NTM: variants seen among roughly 807,000 people sequenced by gnomAD.
NTM encodes neurotrimin.
Under a neutral mutation model 42.1 loss-of-function variants are expected in NTM, and 13 were observed. The ratio of observed to expected loss-of-function variants is 0.31; its 90% CI spans 0.20 to 0.49. The LOEUF is 0.49. Ranked by LOEUF, NTM falls within the 20% of genes least tolerant of loss-of-function variation. NTM has a pLI of 0.99. For missense variants in NTM, 373 were observed against 452.8 expected (o/e 0.82, Z 1.60); for synonymous variants, 187 against 179.2 (o/e 1.04, Z -0.35).
At chr11:132,277,168 AG>A (rs1445116299) in intron 4 of NTM, among the ~76,000 whole-genome samples, 2 of 152,176 alleles carry the variant, frequency 1.3e-5, no homozygotes, top group East Asian at 3.9e-4. Flanking sequence ...TTATTGCCCT[AG>A]TAAGACTTCT....
At position 132,069,407 on chromosome 11, in the gene NTM, A is replaced by G. The variant is rs534335905; in HGVS notation, c.168-76875A>G. ...CGTCACTCAGCCAAGTTAACACGTCAAACTGACTGTCACCGGTTAGTTAAC... is the reference window on the plus strand; with the variant it reads ...CGTCACTCAGCCAAGTTAACACGTCGAACTGACTGTCACCGGTTAGTTAAC... On this transcript the variant is annotated intron_variant, in intron 2 of 8. Coordinates refer to ENST00000683400, the MANE Select transcript of NTM (RefSeq NM_001352005.2). 1.4e-4 allele frequency among the ~76,000 whole-genome samples: 14 copies of G among 100,308 alleles called. No individual in the cohort carries two copies. In the South Asian group the frequency reaches 3.8e-3, roughly 27 times the overall value. 65.8% of individuals were successfully genotyped at this position (100,308 alleles called of 152,430 possible).
chr11:131,568,705 C>T (rs1166389629), intron 1 of NTM, among the ~76,000 whole-genome samples: 1 of 152,158 alleles, frequency 6.6e-6, no homozygotes, highest in Non-Finnish European at 1.5e-5. Flanking sequence ...GGTCCACTCA[C>T]CTCTCTGATG....
At chr11:131,869,563 C>T (rs966027179) in intron 1 of NTM, among the ~76,000 whole-genome samples, 2 of 152,134 alleles carry the variant, frequency 1.3e-5, no homozygotes, top group Non-Finnish European at 2.9e-5. Flanking sequence ...ATGGCTTAGT[C>T]GATGCCAGCT....
At chr11:131,572,637 T>A (rs765850850) in intron 1 of NTM, among the ~76,000 whole-genome samples, 5 of 152,120 alleles carry the variant, frequency 3.3e-5, no homozygotes, top group Non-Finnish European at 7.3e-5. Context: ...TGAATAGAAA[T>A]GCATGCCAGA....
chr11:132,292,514 G>C (rs999133945), intron 4 of NTM, among the ~76,000 whole-genome samples: 5 of 152,100 alleles, frequency 3.3e-5, no homozygotes, highest in African/African-American at 1.2e-4. Flanking sequence ...GCATGAAGAA[G>C]GGGAAAAATG....
chr11:131,471,006 T>A (rs1591763777), intron 1 of NTM, among the ~76,000 whole-genome samples: 1 of 152,196 alleles, frequency 6.6e-6, no homozygotes, highest in Admixed American at 6.5e-5. Context: ...CAGGAAACCT[T>A]CCTGCCATAC....
rs142817071 is a variant in NTM at position 132,282,976 on chromosome 11, CTTTTTTTTTTTT to C, written c.527-24699_527-24688del. ...AATGAAACGGGAAATTCCTTTATTC[CTTTTTTTTTTTT>C]TTTTTTTTTTTTTATTTGAGACAGA... On this transcript the variant is annotated intron_variant, in intron 4 of 8. Coordinates refer to ENST00000683400, the MANE Select transcript of NTM (RefSeq NM_001352005.2). 2.3e-4 allele frequency among the ~76,000 whole-genome samples: 25 copies of C among 108,988 alleles called. No homozygotes were observed. The South Asian group carries it at 6.4e-3, about 28-fold the overall frequency. 71.5% of individuals were successfully genotyped at this position (108,988 alleles called of 152,430 possible).
intron 1 of NTM, among the ~76,000 whole-genome samples, chr11:131,779,671 G>A (rs531691239): frequency 1.1e-4 from 16 of 152,252 alleles, no homozygotes; most frequent in Non-Finnish European, 2.1e-4. Context: ...AGTGGAGCAG[G>A]GGAGACACAA....
intron 3 of NTM, among the ~76,000 whole-genome samples, chr11:132,153,364 C>T (rs943047472): frequency 6.6e-6 from 1 of 152,180 alleles, no homozygotes; most frequent in South Asian, 2.1e-4. Flanking sequence ...CTGATTTATT[C>T]AAGCTGCACT....
chr11:132,080,808 T>C (rs774458595), intron 2 of NTM, among the ~76,000 whole-genome samples: 28 of 152,232 alleles, frequency 1.8e-4, no homozygotes, highest in Non-Finnish European at 3.8e-4. Context: ...TTTCATATGA[T>C]GCTTTTCTGA....
chr11:131,925,368 TTTTC>T (rs2057797886), intron 2 of NTM, among the ~76,000 whole-genome samples: 1 of 150,510 alleles, frequency 6.6e-6, no homozygotes, highest in Non-Finnish European at 1.5e-5. Context: ...TTCCTTTTTT[TTTTC>T]TTTCTTTTCT....
chr11:131,943,708 C>CT (rs888863644), intron 2 of NTM, among the ~76,000 whole-genome samples: 8 of 152,084 alleles, frequency 5.3e-5, no homozygotes, highest in Admixed American at 1.3e-4. Flanking sequence ...TGCAACTTTC[C>CT]TTTTTTTTGT....
chr11:131,431,188 G>C (rs1948620273), intron 1 of NTM, among the ~76,000 whole-genome samples: 2 of 152,074 alleles, frequency 1.3e-5, no homozygotes, highest in Non-Finnish European at 2.9e-5. Flanking sequence ...ATCATTCCCT[G>C]GTCATGTGCA....
intron 4 of NTM, among the ~76,000 whole-genome samples, chr11:132,232,160 C>G (rs1048829037): frequency 2.0e-5 from 3 of 152,186 alleles, no homozygotes; most frequent in African/African-American, 7.2e-5. Flanking sequence ...GAAGTCAGCC[C>G]TTCAGAGCAA....
In NTM at chr11:131,870,551, C is replaced by T. The variant is rs544289632; in HGVS notation, c.83-41013C>T. On this transcript the variant is annotated intron_variant, in intron 1 of 8. Transcript: ENST00000683400. ...TTCCAGGCTGTGAGCCAGCGAGGGC[C>T]CTCCTCTTTAAGCAGTGCCCCTTTG... Among the ~76,000 whole-genome samples the T allele has an allele frequency of 9.4e-4, 143 of 152,188 alleles. 1 individual carries two copies. Among genetic ancestry groups the T allele is most frequent in the African/African-American group, 3.4e-3 (142 of 41,548 alleles).
In NTM at chr11:132,295,855, TAAAG is replaced by T. The variant is rs529933818; in HGVS notation, c.527-11830_527-11827del. Among the ~76,000 whole-genome samples the T allele has an allele frequency of 1.1e-3, 160 of 151,938 alleles. 1 individual carries two copies. The highest frequency in any genetic ancestry group is 1.9e-3 in the Non-Finnish European group (130 of 67,958). On this transcript the variant is annotated intron_variant, in intron 4 of 8. Transcript: ENST00000683400. ...TTATTTTTGGCAATTATTTTGGCAA[TAAAG>T]AAAAGAATAAATGGGAGGCGTGGAG...
intron 1 of NTM, among the ~76,000 whole-genome samples, chr11:131,725,717 A>G (rs1169897323): frequency 2.6e-5 from 4 of 152,158 alleles, no homozygotes; most frequent in African/African-American, 9.7e-5. Flanking sequence ...TGTTACAAAT[A>G]TTTAGCTCTT....
intron 1 of NTM, chr11:131,660,376 C>T (rs543664885): frequency 7.6e-5 from 32 of 421,804 alleles, no homozygotes; most frequent in Non-Finnish European, 1.2e-4. Flanking sequence ...ACCAGGAGGG[C>T]GGAGGGGGTG....
At chr11:131,956,479 G>C (rs2061565836) in intron 2 of NTM, among the ~76,000 whole-genome samples, 1 of 152,014 alleles carries the variant, frequency 6.6e-6, no homozygotes, top group South Asian at 2.1e-4. Context: ...ATTACTCTGG[G>C]TATCTGGCCA....
Sources: gnomAD v4.1 joint callset for allele counts (sites outside exome capture counted in the v4.1 genomes callset) on GRCh38, gnomAD v4.1.1 for gene constraint, MANE v1.5 for transcripts, NCBI Gene and HGNC (gene_info 2026-07-23, HGNC 2026-07-21) for gene names.